Variants in WDR5 observed in about 807,000 individuals in gnomAD.
WDR5 encodes WD repeat domain 5, also known as WD repeat-containing protein 5.
For missense variants in WDR5, 187 were observed against 416.9 expected, an observed-to-expected ratio of 0.45 and a Z score of 4.80; for synonymous variants, 144 against 161.6, an observed-to-expected ratio of 0.89 and a Z score of 0.83.
intron 7 of WDR5, among the ~76,000 whole-genome samples, chr9:134,143,750 C>T (rs1832021943): frequency 6.6e-6 from 1 of 151,422 alleles, no homozygotes; most frequent in Non-Finnish European, 1.5e-5. Flanking sequence ...CTCCTGAGCT[C>T]GTGATCCTCC....
intron 3 of WDR5, 74 bp downstream of exon 3, chr9:134,140,885 G>A: frequency 1.4e-6 from 2 of 1,432,692 alleles, no homozygotes; most frequent in African/African-American, 1.4e-5. Flanking sequence ...CGAGGGGATG[G>A]CTTGCTTCCT....
intron 6 of WDR5, 41 bp from the exon 7 acceptor site, chr9:134,142,595 T>C: frequency 6.2e-7 from 1 of 1,609,986 alleles, no homozygotes; most frequent in South Asian, 1.1e-5. Flanking sequence ...GTTTGTCCCC[T>C]CTCCTTCCTG....
chr9:134,148,251 T>TC, intron 7 of WDR5, 37 bp from the exon 8 acceptor site: 1 of 1,456,334 alleles, frequency 6.9e-7, no homozygotes. Flanking sequence ...GACTTGAAAG[T>TC]AAGTTTTTGT....
intron 3 of WDR5, 71 bp from the exon 4 acceptor site, chr9:134,141,439 A>G (rs1831883226): frequency 6.6e-7 from 1 of 1,519,966 alleles, no homozygotes; most frequent in African/African-American, 1.4e-5. Context: ...GGAAAAGCTC[A>G]GACTTTGGAC....
intron 9 of WDR5, among the ~76,000 whole-genome samples, chr9:134,153,071 C>G (rs1056916865): frequency 6.6e-6 from 1 of 152,210 alleles, no homozygotes; most frequent in Non-Finnish European, 1.5e-5. Flanking sequence ...GTCTTTATAG[C>G]TTCCTGCCTT....
chr9:134,139,436 C>T (rs1831760675), intron 1 of WDR5, among the ~76,000 whole-genome samples: 1 of 152,202 alleles, frequency 6.6e-6, no homozygotes. Context: ...AGTCTTCTGT[C>T]ATTTGGCGTG....
chr9:134,153,384 C>T (rs903817595), intron 9 of WDR5, among the ~76,000 whole-genome samples: 5 of 152,170 alleles, frequency 3.3e-5, no homozygotes, highest in Non-Finnish European at 5.9e-5. Context: ...TCAGGTCTAG[C>T]GAGTTAGACC....
chr9:134,135,812 T>G (rs1831506580), upstream of WDR5: 1 of 152,160 alleles, frequency 6.6e-6, no homozygotes, highest in African/African-American at 2.4e-5. Context: ...GTGCTGTCTG[T>G]GGAAACGCGA....
intron 9 of WDR5, among the ~76,000 whole-genome samples, chr9:134,152,549 G>T (rs910939360): frequency 4.6e-5 from 7 of 152,212 alleles, no homozygotes; most frequent in Non-Finnish European, 1.0e-4. Context: ...GTGACGGCCC[G>T]GGGTTCCCAG....
rs182190556 is a variant in WDR5 at position 134,152,446 on chromosome 9, G to A, written c.631+417G>A. On this transcript the variant is annotated intron_variant, in intron 9 of 13. Coordinates refer to ENST00000358625, the MANE Select transcript of WDR5 (RefSeq NM_017588.3). ...CCGAGGTGGATGGAGGTGTCCTGGG[G>A]GCACGGAGGACAGGCCTGAGGAGAG... Among the ~76,000 whole-genome samples, 304 of 152,328 alleles carry A rather than the reference G, an allele frequency of 2.0e-3. 1 individual carries two copies. Among genetic ancestry groups the A allele is most frequent in the African/African-American group, 6.8e-3 (281 of 41,574 alleles).
rs1330767159 is a variant in WDR5 at position 134,141,932 on chromosome 9, T to G, written c.265-17T>G. 1 of 1,613,088 alleles carries G rather than the reference T, an allele frequency of 6.2e-7. No homozygotes were observed. Among genetic ancestry groups the G allele is most frequent in the Non-Finnish European group, 8.5e-7 (1 of 1,179,072 alleles). Reference sequence around the variant, plus strand: ...TTTTGTCCTGTCAAGTTACTGACCCTGTTTTTTCTCCCCAAGGGAATATCC... The same window carrying G: ...TTTTGTCCTGTCAAGTTACTGACCCGGTTTTTTCTCCCCAAGGGAATATCC... On this transcript the variant is annotated splice_polypyrimidine_tract_variant and intron_variant, in intron 4 of 13. Coordinates refer to ENST00000358625, the MANE Select transcript of WDR5 (RefSeq NM_017588.3).
At chr9:134,141,384 G>T (rs2132532157) in intron 3 of WDR5, 126 bp from the exon 4 acceptor site, 1 of 843,234 alleles carries the variant, frequency 1.2e-6, no homozygotes, top group Non-Finnish European at 1.9e-6. Context: ...GTGCTGAATG[G>T]GTTCTGAGCC....
At position 134,139,947 on chromosome 9, in the gene WDR5, A is replaced by T; in HGVS notation, c.70A>T (p.Thr24Ser). The change falls in exon 2 of 14, where the codon ACT (threonine) becomes TCT (serine). Residue 24 changes from threonine (T) to serine (S), a missense_variant. Transcript: ENST00000358625. ...ACAGCCAACCCCTTCGTCATCCGCC[A>T]CTCAGAGCAAGGTGCGTGCCCAGGG... is the stretch of plus-strand genomic sequence containing the variant. ...RAQPTPSSSA[T>S]QSKPTPVKPN... The T allele has an allele frequency of 6.2e-7, 1 of 1,613,610 alleles. No homozygotes were observed. Among genetic ancestry groups the T allele is most frequent in the Middle Eastern group, 1.6e-4 (1 of 6,062 alleles).
At chr9:134,148,463 GCTTCT>G (rs1234800951) in intron 8 of WDR5, 120 bp downstream of exon 8, 16 of 861,286 alleles carry the variant, frequency 1.9e-5, no homozygotes, top group Non-Finnish European at 2.7e-5. Context: ...AATTTCCGAA[GCTTCT>G]CTTCTGGCCA....
At chr9:134,137,499 A>G (rs928206742) in intron 1 of WDR5, among the ~76,000 whole-genome samples, 2 of 151,968 alleles carry the variant, frequency 1.3e-5, no homozygotes, top group African/African-American at 4.8e-5. Flanking sequence ...CCTGGGCAAC[A>G]TGGCGAAACT....
chr9:134,145,028 G>A (rs150545082), intron 7 of WDR5, among the ~76,000 whole-genome samples: 133 of 150,682 alleles, frequency 8.8e-4, no homozygotes, highest in African/African-American at 3.0e-3. Flanking sequence ...CTGCTGCTCC[G>A]TAGCTGTCTC....
chr9:134,152,574 G>A (rs886459844), intron 9 of WDR5, among the ~76,000 whole-genome samples: 1 of 152,238 alleles, frequency 6.6e-6, no homozygotes, highest in Non-Finnish European at 1.5e-5. Flanking sequence ...CCCTTGCAGA[G>A]CCTGCAGAAA....
At chr9:134,141,127 C>G (rs1831866430) in intron 3 of WDR5, among the ~76,000 whole-genome samples, 1 of 152,066 alleles carries the variant, frequency 6.6e-6, no homozygotes, top group East Asian at 1.9e-4. Context: ...ATTAAAAATA[C>G]AAAAAAAGAT....
chr9:134,155,265 G>A (rs1210580868), intron 10 of WDR5, 75 bp from the exon 11 acceptor site: 1 of 1,462,110 alleles, frequency 6.8e-7, no homozygotes. Context: ...CTGTGACGTA[G>A]TGGCTGCAGA....
Sources: gnomAD v4.1 joint callset for allele counts (sites outside exome capture counted in the v4.1 genomes callset) on GRCh38, gnomAD v4.1.1 for gene constraint, MANE v1.5 for transcripts, NCBI Gene and HGNC (gene_info 2026-07-23, HGNC 2026-07-21) for gene names.